IHO1: variants seen among roughly 807,000 people sequenced by gnomAD.
The protein encoded by IHO1 is interactor of HORMAD1 1.
IHO1 carries 13 observed loss-of-function variants against 31.0 expected under a neutral mutation model. The ratio of observed to expected loss-of-function variants is 0.42; its 90% confidence interval spans 0.27 to 0.67. The LOEUF is 0.67. Ranked by LOEUF, IHO1 falls within the 30% of genes least tolerant of loss-of-function variation. The pLI is 0.24. For synonymous variants in IHO1, 221 were observed against 248.4 expected (o/e 0.89, Z 1.04); for missense variants, 599 against 687.5 (o/e 0.87, Z 1.44).
chr3:49,236,609 C>A lies in IHO1; in HGVS notation c.118C>A (p.Gln40Lys). 1 of 1,613,450 alleles carries A rather than the reference C, an allele frequency of 6.2e-7. No individual in the cohort carries two copies. The highest frequency in any genetic ancestry group is 8.5e-7 in the Non-Finnish European group (1 of 1,179,472). ...QNDYSSLSDS[Q>K]FLFGSQFCPE... ...TGATTATTCCAGTCTCAGTGATTCC[C>A]AGTTCCTCTTTGGATCTCAGTTCTG... is the stretch of plus-strand genomic sequence containing the variant. Residue 40 changes from glutamine to lysine, a missense_variant, in exon 3 of 8, where the codon CAG becomes AAG. Coordinates refer to ENST00000452691, the MANE Select transcript of IHO1 (RefSeq NM_001135197.2).
chr3:49,213,713 C>T (rs1029713453), intron 2 of IHO1, among the ~76,000 whole-genome samples: 5 of 152,230 alleles, frequency 3.3e-5, no homozygotes, highest in South Asian at 2.1e-4. Context: ...CTGGGGCCAG[C>T]GGCGCAGGCT....
At chr3:49,199,670 A>G (rs2046028053) in intron 1 of IHO1, 97 bp downstream of exon 1, 2 of 152,322 alleles carry the variant, frequency 1.3e-5, no homozygotes, top group Non-Finnish European at 2.9e-5. Context: ...TCAGGATACC[A>G]GCGGTCCTCC....
In IHO1 at chr3:49,242,703, G is replaced by T. The variant is rs181330209; in HGVS notation, c.395+1314G>T. The stretch of plus-strand genomic sequence containing the variant: ...GCCTGTAATCCCAGCTACTCAGGAG[G>T]CTGAGACAGGAGAATCACTTGAACC... On this transcript the variant is annotated intron_variant, in intron 4 of 7. Transcript: ENST00000452691. Among the ~76,000 whole-genome samples, 416 of 152,130 alleles carry T rather than the reference G, an allele frequency of 2.7e-3. 3 individuals carry two copies. Among genetic ancestry groups the T allele is most frequent in the African/African-American group, 9.3e-3 (386 of 41,484 alleles).
intron 6 of IHO1, among the ~76,000 whole-genome samples, chr3:49,254,202 C>T (rs907630396): frequency 6.6e-6 from 1 of 152,046 alleles, no homozygotes; most frequent in African/African-American, 2.4e-5. Flanking sequence ...ATTAAACATT[C>T]GTTGAATAAA....
In IHO1 at chr3:49,256,131, CAG is replaced by C; in HGVS notation, c.638_639del. ...CTGTCTTTCTCACTGCCTCTCTCCCCAGAGACAAGGAGAGTTTATAGAAATGA... is the reference window on the plus strand; with the variant it reads ...CTGTCTTTCTCACTGCCTCTCTCCCCAGACAAGGAGAGTTTATAGAAATGA... On this transcript the variant is annotated splice_acceptor_variant, in intron 7 of 7. Transcript: ENST00000452691. LOFTEE classifies it high-confidence loss of function. This position sits in a 1 kb window ranked among gnomAD's most constrained non-coding sequence, Gnocchi z 4.6. 6.3e-7 allele frequency: 1 copy of C among 1,597,386 alleles called. No individual in the cohort carries two copies. Among genetic ancestry groups the C allele is most frequent in the Non-Finnish European group, 8.5e-7 (1 of 1,171,584 alleles).
chr3:49,257,108 C>A lies in IHO1; in HGVS notation c.1611C>A (p.Ser537Arg). ...TGCAGGGAAGACTCTTGCAGCTCAG[C>A]AGGTGCTCTTCCCAAGACAACTGGC... ...RAVQGRLLQLSRCSSQDNWLL... is the reference protein window; with the variant it reads ...RAVQGRLLQLRRCSSQDNWLL... Residue 537 changes from serine to arginine, a missense_variant, in exon 8 of 8, where the codon AGC (serine) becomes AGA (arginine). Coordinates refer to ENST00000452691, the MANE Select transcript of IHO1 (RefSeq NM_001135197.2). 1 of 1,614,180 alleles carries A rather than the reference C, an allele frequency of 6.2e-7. No homozygotes were observed. Among genetic ancestry groups the A allele is most frequent in the Admixed American group, 1.7e-5 (1 of 60,010 alleles).
chr3:49,239,083 T>C (rs939626628), intron 3 of IHO1, among the ~76,000 whole-genome samples: 2 of 152,172 alleles, frequency 1.3e-5, no homozygotes, highest in African/African-American at 2.4e-5. Flanking sequence ...GCAATTATCA[T>C]GCCTCAGCCT....
Position 49,236,607 on chromosome 3 carries a change from C to G in IHO1, c.116C>G (p.Ser39Cys). The G allele has an allele frequency of 6.2e-7, 1 of 1,613,432 alleles. No homozygotes were observed. The highest frequency in any genetic ancestry group is 8.5e-7 in the Non-Finnish European group (1 of 1,179,476). ...AATGATTATTCCAGTCTCAGTGATTCCCAGTTCCTCTTTGGATCTCAGTTC... is the reference window on the plus strand; with the variant it reads ...AATGATTATTCCAGTCTCAGTGATTGCCAGTTCCTCTTTGGATCTCAGTTC... ...NQNDYSSLSD[S>C]QFLFGSQFCP... Residue 39 changes from serine to cysteine, a missense_variant, in exon 3 of 8, where the codon TCC becomes TGC. Ser to Cys is a moderately radical substitution (Grantham distance 112). Coordinates refer to ENST00000452691, the MANE Select transcript of IHO1 (RefSeq NM_001135197.2).
chr3:49,256,548 A>G lies in IHO1; in HGVS notation c.1051A>G (p.Lys351Glu). ...TGAAAGAAATAGGCATGTAAAGGACAAGGTGGTGCAGACTAACTGCAAGAA... is the reference window on the plus strand; with the variant it reads ...TGAAAGAAATAGGCATGTAAAGGACGAGGTGGTGCAGACTAACTGCAAGAA... ...SHERNRHVKD[K>E]VVQTNCKNWA... Residue 351 changes from lysine (K) to glutamate (E), a missense_variant, in exon 8 of 8, where the codon AAG (lysine) becomes GAG (glutamate). Lys to Glu is a moderately conservative substitution (Grantham distance 56). Coordinates refer to ENST00000452691, the MANE Select transcript of IHO1 (RefSeq NM_001135197.2). The surrounding 1 kb of genome is among the most constrained non-coding windows in gnomAD (Gnocchi z 4.6). The G allele has an allele frequency of 6.2e-7, 1 of 1,614,202 alleles. No homozygotes were observed. The highest frequency in any genetic ancestry group is 8.5e-7 in the Non-Finnish European group (1 of 1,180,028).
chr3:49,218,376 CTTT>C (rs34312848), intron 2 of IHO1, among the ~76,000 whole-genome samples: 9 of 105,818 alleles, frequency 8.5e-5, no homozygotes, highest in African/African-American at 2.2e-4. Context: ...CAGTTAATAC[CTTT>C]TTTTTTTTTT....
At chr3:49,193,590 T>G, upstream of IHO1, among the ~76,000 whole-genome samples, 1 of 121,364 alleles carries the variant, frequency 8.2e-6, no homozygotes, top group Non-Finnish European at 1.6e-5. Context: ...CTACGCTACT[T>G]GGGAGGCCAA....
intron 2 of IHO1, among the ~76,000 whole-genome samples, chr3:49,220,242 G>A (rs941079278): frequency 3.9e-5 from 6 of 152,168 alleles, no homozygotes; most frequent in South Asian, 2.1e-4. Context: ...TGAGGGTCCC[G>A]TCCCGGGCCC....
intron 1 of IHO1, chr3:49,200,475 A>AAAGAAAGAGAGAAAGAAAG (rs367907809): frequency 1.9e-5 from 2 of 103,858 alleles, no homozygotes; most frequent in African/African-American, 6.1e-5. Flanking sequence ...AAAAAAAAAA[A>AAAGAAAGAGAGAAAGAAAG]AAAGAAAGAA....
chr3:49,192,457 A>C, the IHO1 span, among the ~76,000 whole-genome samples: 1 of 152,178 alleles, frequency 6.6e-6, no homozygotes, highest in Non-Finnish European at 1.5e-5. Context: ...TAACAACCAA[A>C]AGAAATTGAC....
intron 6 of IHO1, among the ~76,000 whole-genome samples, chr3:49,249,183 G>C (rs1244241118): frequency 6.6e-6 from 1 of 152,094 alleles, no homozygotes; most frequent in Non-Finnish European, 1.5e-5. Context: ...CAGTAATAAA[G>C]TTAATTACCA....
intron 1 of IHO1, chr3:49,199,867 C>T (rs916966455): frequency 5.9e-5 from 9 of 152,390 alleles, no homozygotes; most frequent in African/African-American, 1.9e-4. Context: ...GGAGTGAGAC[C>T]GGGTACGCCC....
At chr3:49,224,742 A>T (rs536024807) in intron 2 of IHO1, among the ~76,000 whole-genome samples, 6 of 152,328 alleles carry the variant, frequency 3.9e-5, no homozygotes, top group African/African-American at 1.4e-4. Flanking sequence ...AGCTAAGGGG[A>T]CTTCTAAGAT....
chr3:49,214,886 C>T (rs951435146), intron 2 of IHO1, among the ~76,000 whole-genome samples: 7 of 151,406 alleles, frequency 4.6e-5, no homozygotes, highest in African/African-American at 1.5e-4. Flanking sequence ...GTGATCTGCC[C>T]GCCTCAGCCT....
At chr3:49,191,631 T>A in the IHO1 span, 1 of 1,180,828 alleles carries the variant, frequency 8.5e-7, no homozygotes, top group African/African-American at 1.5e-5. Context: ...CTCAGGGTCC[T>A]ATTCCAGGTT....
Sources: gnomAD v4.1 joint callset for allele counts (sites outside exome capture counted in the v4.1 genomes callset) on GRCh38, gnomAD v4.1.1 for gene constraint, Gnocchi (gnomAD v3.1) non-coding constraint, MANE v1.5 for transcripts, NCBI Gene and HGNC (gene_info 2026-07-23, HGNC 2026-07-21) for gene names.